Variants in TGFBI observed in about 807,000 individuals in gnomAD.
The protein encoded by TGFBI is transforming growth factor beta induced, also known as transforming growth factor-beta-induced protein ig-h3.
In TGFBI, 50 loss-of-function variants were observed where a neutral mutation model predicts 73.7. The ratio of observed to expected loss-of-function variants is 0.68; its 90% CI spans 0.54 to 0.86. TGFBI has a LOEUF of 0.86. Among genes scored for constraint, TGFBI ranks in the 40% least tolerant of loss-of-function variants. TGFBI has a pLI of 0.00. For synonymous variants in TGFBI, 362 were observed against 360.5 expected (o/e 1.00, Z -0.05); for missense variants, 839 against 877.0 (o/e 0.96, Z 0.55).
chr5:136,050,552 C>T (rs1039840064), intron 7 of TGFBI, among the ~76,000 whole-genome samples: 11 of 152,142 alleles, frequency 7.2e-5, no homozygotes, highest in African/African-American at 2.7e-4. Context: ...ACTCCAGGAC[C>T]TCTGAAAGGC....
At chr5:136,039,625 G>T (rs1751294026) in intron 2 of TGFBI, among the ~76,000 whole-genome samples, 1 of 152,204 alleles carries the variant, frequency 6.6e-6, no homozygotes, top group Non-Finnish European at 1.5e-5. Context: ...GGGAACTGAG[G>T]AGACACAGTC....
rs371154639 is a variant in TGFBI at position 136,054,651 on chromosome 5, C to T, written c.1265-65C>T. 375 of 1,605,042 alleles carry T rather than the reference C, an allele frequency of 2.3e-4. 4 individuals are homozygous for T. In the South Asian group the frequency reaches 3.9e-3, roughly 17 times the overall value. On this transcript the variant is annotated intron_variant, in intron 9 of 16. Coordinates refer to ENST00000442011, the MANE Select transcript of TGFBI (RefSeq NM_000358.3). ...GGATGGGCTTTTTCACTGTATTTAT[C>T]TCTCATCACTCTCTTCATTGCAGGA...
chr5:136,059,679 G>A (rs1751713642), intron 13 of TGFBI, among the ~76,000 whole-genome samples: 2 of 152,140 alleles, frequency 1.3e-5, no homozygotes, highest in Non-Finnish European at 1.5e-5. Context: ...CTTTGTAACT[G>A]CACTAAGAGT....
chr5:136,060,929 G>A lies in TGFBI; in HGVS notation c.1899G>A (p.Gln633=). ...TCCATGTCATCACCAATGTTCTGCA[G>A]CCTCCAGGTAAGTGTCGCATCCCCA... ...GVVHVITNVL[Q]PPANRPQERG... is the part of the protein sequence containing the mutation. Residue 633 remains glutamine (Q), a synonymous_variant, in exon 14 of 17, where the codon CAG becomes CAA. Transcript: ENST00000442011. 1.3e-6 allele frequency: 2 copies of A among 1,572,794 alleles called. No homozygotes were observed. The highest frequency in any genetic ancestry group is 1.2e-5 in the South Asian group (1 of 84,710).
At chr5:136,029,542 G>A (rs1751077890) in intron 1 of TGFBI, among the ~76,000 whole-genome samples, 1 of 152,234 alleles carries the variant, frequency 6.6e-6, no homozygotes, top group Non-Finnish European at 1.5e-5. Context: ...TAATCACCGT[G>A]GGAGGGTGCC....
intron 11 of TGFBI, among the ~76,000 whole-genome samples, chr5:136,056,076 C>G (rs1262793677): frequency 3.3e-5 from 5 of 152,196 alleles, no homozygotes; most frequent in Non-Finnish European, 7.3e-5. Context: ...ATTTTTATGA[C>G]TGAAGTGCAA....
chr5:136,062,626 T>C (rs1204209569), intron 15 of TGFBI, 37 bp from the exon 16 acceptor site: 1 of 1,554,316 alleles, frequency 6.4e-7, no homozygotes, highest in Admixed American at 1.9e-5. Flanking sequence ...AGGTATAACT[T>C]TCACTAGAAA....
intron 3 of TGFBI, 31 bp from the exon 4 acceptor site, chr5:136,046,304 C>A (rs1751424886): frequency 1.2e-6 from 2 of 1,613,254 alleles, no homozygotes; most frequent in East Asian, 4.5e-5. Flanking sequence ...CCCCCAGAGG[C>A]CATCCCTCCT....
chr5:136,047,513 A>T, intron 6 of TGFBI, 93 bp downstream of exon 6: 1 of 1,506,204 alleles, frequency 6.6e-7, no homozygotes, highest in Admixed American at 1.8e-5. Context: ...GAGGTAGAGG[A>T]TGGCTCCTGT....
At chr5:136,056,196 A>G (rs1751628783) in intron 11 of TGFBI, among the ~76,000 whole-genome samples, 1 of 152,200 alleles carries the variant, frequency 6.6e-6, no homozygotes, top group East Asian at 1.9e-4. Flanking sequence ...TTGCAACTGA[A>G]GCACCCTTGT....
At chr5:136,052,807 C>A in intron 7 of TGFBI, 100 bp from the exon 8 acceptor site, 5 of 1,192,452 alleles carry the variant, frequency 4.2e-6, no homozygotes, top group Non-Finnish European at 6.0e-6. Context: ...GGGTCCTCAT[C>A]TGAGAGAACA....
At chr5:136,053,267 G>A (rs995974861) in intron 8 of TGFBI, 148 bp downstream of exon 8, 2 of 735,038 alleles carry the variant, frequency 2.7e-6, no homozygotes, top group Admixed American at 2.3e-5. Flanking sequence ...GCAAATGTGT[G>A]GGTTGTGACC....
Position 136,029,083 on chromosome 5 carries a change from C to T in TGFBI, c.28C>T (p.Leu10Phe), listed in dbSNP as rs1426680564. The change falls in exon 1 of 17, where the codon CTC (leucine) becomes TTC (phenylalanine). Residue 10 changes from leucine (L) to phenylalanine (F), a missense_variant. Leu to Phe is a conservative substitution (Grantham distance 22). Coordinates refer to ENST00000442011, the MANE Select transcript of TGFBI (RefSeq NM_000358.3). MALFVRLLA[L>F]ALALALGPAA... ...GGCGCTCTTCGTGCGGCTGCTGGCTCTCGCCCTGGCTCTGGCCCTGGGCCC... is the reference window on the plus strand; with the variant it reads ...GGCGCTCTTCGTGCGGCTGCTGGCTTTCGCCCTGGCTCTGGCCCTGGGCCC... 6.5e-6 allele frequency: 10 copies of T among 1,527,552 alleles called. No individual in the cohort carries two copies. In the Admixed American group the frequency reaches 1.4e-4, roughly 21 times the overall value. 94.6% of individuals were successfully genotyped at this position (1,527,552 alleles called of 1,614,324 possible). A position where few individuals can be genotyped will look rare whatever the true frequency, so the allele number is the denominator to read the frequency against.
chr5:136,049,561 C>G lies in TGFBI; in HGVS notation c.894C>G (p.Gly298=). 1 of 1,613,672 alleles carries G rather than the reference C, an allele frequency of 6.2e-7. No homozygotes were observed. The highest frequency in any genetic ancestry group is 8.5e-7 in the Non-Finnish European group (1 of 1,179,800). The change falls in exon 7 of 17, where the codon GGC becomes GGG. Residue 298 remains glycine, a synonymous_variant. Transcript: ENST00000442011. ...IPSETLNRIL[G]DPEALRDLLN... is the part of the protein sequence containing the mutation. ...GTGAGACTTTGAACCGTATCCTGGG[C>G]GACCCAGAAGCCCTGAGAGGTGAGC... is the stretch of plus-strand genomic sequence containing the variant.
chr5:136,053,038 A>C lies in TGFBI; in HGVS notation c.1045A>C (p.Lys349Gln). 6.2e-7 allele frequency: 1 copy of C among 1,614,044 alleles called. No individual in the cohort carries two copies. Residue 349 changes from lysine (K) to glutamine (Q), a missense_variant, in exon 8 of 17, where the codon AAG becomes CAG. Coordinates refer to ENST00000442011, the MANE Select transcript of TGFBI (RefSeq NM_000358.3). The part of the protein sequence containing the change: ...CSGDMLTING[K>Q]AIISNKDILA... ...CGGGGACATGCTCACTATCAACGGG[A>C]AGGCGATCATCTCCAATAAAGACAT...
chr5:136,032,183 C>T (rs1197071429), intron 1 of TGFBI, among the ~76,000 whole-genome samples: 2 of 152,174 alleles, frequency 1.3e-5, no homozygotes, highest in East Asian at 1.9e-4. Flanking sequence ...AGGATTTGGT[C>T]AGGCCCAGCT....
At chr5:136,037,186 C>A (rs1751242193) in intron 2 of TGFBI, among the ~76,000 whole-genome samples, 1 of 152,166 alleles carries the variant, frequency 6.6e-6, no homozygotes, top group African/African-American at 2.4e-5. Flanking sequence ...GACTTTATTA[C>A]AGGAAGTGGT....
intron 6 of TGFBI, 68 bp from the exon 7 acceptor site, chr5:136,049,371 G>A: frequency 1.0e-5 from 16 of 1,575,484 alleles, no homozygotes; most frequent in Non-Finnish European, 1.4e-5. Context: ...CAGTGAAGCT[G>A]TGTGTGCATC....
chr5:136,063,513 A>C lies in TGFBI; in HGVS notation c.*287A>C. 1 of 413,278 alleles carries C rather than the reference A, an allele frequency of 2.4e-6. No homozygotes were observed. The highest frequency in any genetic ancestry group is 4.4e-6 in the Non-Finnish European group (1 of 226,568). 25.6% of individuals were successfully genotyped at this position (413,278 alleles called of 1,614,324 possible). ...AGGACCTATCCCAAATGTGGAATTG[A>C]CTGCCTATGCCAAGTCCCTGGAAAA... On this transcript the variant is annotated 3_prime_UTR_variant, in exon 17 of 17. Transcript: ENST00000442011.
Sources: allele counts gnomAD v4.1 joint callset (sites outside exome capture counted in the v4.1 genomes callset), GRCh38; gene constraint gnomAD v4.1.1; transcripts MANE v1.5; gene names NCBI Gene and HGNC (gene_info 2026-07-23, HGNC 2026-07-21).